The following TMOD1 variants were observed in gnomAD, a reference collection of about 807,000 sequenced individuals.
The protein encoded by TMOD1 is tropomodulin-1.
A neutral mutation model predicts 40.6 loss-of-function variants in TMOD1; 17 were observed. The ratio of observed to expected loss-of-function variants is 0.42; its 90% confidence interval spans 0.29 to 0.63. The LOEUF is 0.63. TMOD1 is among the 20% of genes least tolerant of loss of function. The pLI is 0.22. For synonymous variants in TMOD1, 181 were observed against 175.0 expected (o/e 1.03, Z -0.27); for missense variants, 391 against 447.6 (o/e 0.87, Z 1.14).
At chr9:97,526,771 A>C (rs1283518549) in intron 2 of TMOD1, among the ~76,000 whole-genome samples, 1 of 152,168 alleles carries the variant, frequency 6.6e-6, no homozygotes, top group Non-Finnish European at 1.5e-5. Flanking sequence ...ACCTTGGACC[A>C]AGCTGCCATC....
intron 4 of TMOD1, among the ~76,000 whole-genome samples, chr9:97,554,176 T>C (rs1198447738): frequency 3.6e-5 from 1 of 28,104 alleles, no homozygotes; most frequent in Non-Finnish European, 6.7e-5. Flanking sequence ...GCCCAGGTGA[T>C]GGCAGGAGGG....
At chr9:97,536,989 G>A (rs73549050) in intron 2 of TMOD1, among the ~76,000 whole-genome samples, 89 of 152,336 alleles carry the variant, frequency 5.8e-4, no homozygotes, top group African/African-American at 2.1e-3. Flanking sequence ...CCACCAGTCT[G>A]AAGATAGTTA....
rs955417170 is a variant in TMOD1, at chr9:97,502,832, C to T, written c.-49+1029C>T. ...CCTGTGAGCCACGCAGCTTCAGATG[C>T]GATGAGCTGGGCAGGGGCAGTGGTT... is the stretch of plus-strand genomic sequence containing the variant. On this transcript the variant is annotated intron_variant, in intron 1 of 9. Transcript: ENST00000259365. The surrounding 1 kb of genome is among the most constrained non-coding windows in gnomAD (Gnocchi z 6.1). Among the ~76,000 whole-genome samples the T allele has an allele frequency of 2.6e-5, 4 of 152,196 alleles. No individual in the cohort carries two copies. Among genetic ancestry groups the T allele is most frequent in the Non-Finnish European group, 5.9e-5 (4 of 68,030 alleles).
intron 3 of TMOD1, among the ~76,000 whole-genome samples, chr9:97,550,372 T>C (rs1246057529): frequency 6.6e-6 from 1 of 152,258 alleles, no homozygotes; most frequent in Non-Finnish European, 1.5e-5. Flanking sequence ...TTTTTAATTC[T>C]TTGGGAGTAT....
At chr9:97,598,536 G>A (rs1051125326) in intron 9 of TMOD1, among the ~76,000 whole-genome samples, 1 of 152,206 alleles carries the variant, frequency 6.6e-6, no homozygotes, top group Non-Finnish European at 1.5e-5. Context: ...ATGCTTAAAA[G>A]TCTGGTTCAT....
At chr9:97,507,985 A>C (rs1229813180) in intron 1 of TMOD1, among the ~76,000 whole-genome samples, 1 of 151,940 alleles carries the variant, frequency 6.6e-6, no homozygotes, top group African/African-American at 2.4e-5. Context: ...GCAGACTCAA[A>C]TCCTTCATTA....
intron 8 of TMOD1, among the ~76,000 whole-genome samples, chr9:97,589,936 A>G (rs1335690189): frequency 6.6e-6 from 1 of 152,098 alleles, no homozygotes; most frequent in Non-Finnish European, 1.5e-5. Context: ...AAGGAAACAA[A>G]AACTTTCTCC....
intron 9 of TMOD1, among the ~76,000 whole-genome samples, chr9:97,598,077 C>T (rs1186115938): frequency 6.6e-6 from 1 of 152,048 alleles, no homozygotes; most frequent in Non-Finnish European, 1.5e-5. Flanking sequence ...CCTGTAATCC[C>T]AGCACTTTGA....
intron 1 of TMOD1, among the ~76,000 whole-genome samples, chr9:97,509,299 T>G (rs1251811140): frequency 2.0e-5 from 3 of 152,210 alleles, no homozygotes; most frequent in African/African-American, 7.2e-5. Flanking sequence ...AAATAATCCA[T>G]GTAAAGAGCT....
Position 97,601,186 on chromosome 9 carries a change from AAC to A in TMOD1, c.*1492_*1493del. ...CCATCCCCATTTGGCTTCTCCTTAAAACACAATTGCAGCTGCATTCTGCATCG... is the reference window on the plus strand; with the variant it reads ...CCATCCCCATTTGGCTTCTCCTTAAAACAATTGCAGCTGCATTCTGCATCG... On this transcript the variant is annotated 3_prime_UTR_variant, in exon 10 of 10. Transcript: ENST00000259365. 2.3e-6 allele frequency: 3 copies of A among 1,299,318 alleles called. No homozygotes were observed. The highest frequency in any genetic ancestry group is 3.0e-6 in the Non-Finnish European group (3 of 986,222). The allele number at this position is 1,299,318 out of a possible 1,614,324, so 80.5% of individuals were successfully genotyped here. A position where few individuals can be genotyped will look rare whatever the true frequency, so the allele number is the denominator to read the frequency against.
At chr9:97,582,216 A>C (rs56012713) in intron 8 of TMOD1, among the ~76,000 whole-genome samples, 2,655 of 149,952 alleles carry the variant, frequency 0.018, 32 homozygotes, top group Middle Eastern at 0.045. Flanking sequence ...CTTTCTACAT[A>C]TGGCTAGCCA....
intron 9 of TMOD1, among the ~76,000 whole-genome samples, chr9:97,596,151 G>GA (rs1826105454): frequency 6.6e-6 from 1 of 151,892 alleles, no homozygotes; most frequent in African/African-American, 2.4e-5. Flanking sequence ...CCTGTTCCTA[G>GA]ATGCTGCCTC....
At chr9:97,581,993 T>C (rs1825767061) in intron 8 of TMOD1, among the ~76,000 whole-genome samples, 1 of 150,192 alleles carries the variant, frequency 6.7e-6, no homozygotes, top group South Asian at 2.1e-4. Flanking sequence ...AGAAGCTCTT[T>C]AGTTTAATTA....
chr9:97,551,458 A>G (rs1052739992), intron 3 of TMOD1, among the ~76,000 whole-genome samples: 5 of 152,152 alleles, frequency 3.3e-5, no homozygotes, highest in Non-Finnish European at 7.4e-5. Flanking sequence ...TGTTGAAGCG[A>G]TTACTCTTTC....
At chr9:97,569,230 G>A (rs1042705346) in intron 8 of TMOD1, among the ~76,000 whole-genome samples, 193 bp downstream of exon 8, 5 of 152,058 alleles carry the variant, frequency 3.3e-5, no homozygotes, top group East Asian at 1.9e-4. Flanking sequence ...CTTCCACTAC[G>A]TGCTCTTCCA....
intron 8 of TMOD1, among the ~76,000 whole-genome samples, chr9:97,580,968 T>TC (rs1825737772): frequency 8.8e-6 from 1 of 113,884 alleles, no homozygotes; most frequent in African/African-American, 3.6e-5. Context: ...TTGGCATAAT[T>TC]CTTTTTTATT....
At chr9:97,599,028 A>C (rs1826186278) in intron 9 of TMOD1, among the ~76,000 whole-genome samples, 1 of 152,072 alleles carries the variant, frequency 6.6e-6, no homozygotes, top group African/African-American at 2.4e-5. Flanking sequence ...ATCATCCTTT[A>C]AGCTAACGTC....
chr9:97,594,733 G>A (rs1352275061), intron 9 of TMOD1, among the ~76,000 whole-genome samples: 3 of 152,236 alleles, frequency 2.0e-5, no homozygotes, highest in African/African-American at 4.8e-5. Context: ...TAAACAGAGC[G>A]TTCTGTGAGT....
At position 97,581,128 on chromosome 9, in the gene TMOD1, A is replaced by G. The variant is rs538293343; in HGVS notation, c.871-10163A>G. ...CATCTAGCATTAGGTATATCTCCCG[A>G]TGCTATCCCGCCCCCCTCCCCCCAC... On this transcript the variant is annotated intron_variant, in intron 8 of 9. Coordinates refer to ENST00000259365, the MANE Select transcript of TMOD1 (RefSeq NM_003275.4). Among the ~76,000 whole-genome samples the G allele has an allele frequency of 2.9e-5, 4 of 140,122 alleles. No individual in the cohort carries two copies. In the South Asian group the frequency reaches 9.9e-4, roughly 35 times the overall value. The allele number at this position is 140,122 out of a possible 152,430, so 91.9% of individuals were successfully genotyped here.
Sources: gnomAD v4.1 joint callset for allele counts (sites outside exome capture counted in the v4.1 genomes callset) on GRCh38, gnomAD v4.1.1 for gene constraint, Gnocchi (gnomAD v3.1) non-coding constraint, MANE v1.5 for transcripts, NCBI Gene and HGNC (gene_info 2026-07-23, HGNC 2026-07-21) for gene names.